DPH6: variants seen among roughly 807,000 people sequenced by gnomAD.
DPH6 encodes diphthine--ammonia ligase.
In DPH6, 33 loss-of-function variants were observed where a neutral mutation model predicts 38.2. The observed-to-expected ratio is 0.86, with a 90% CI of 0.65 to 1.15. The LOEUF is 1.15. Ranked by LOEUF, DPH6 falls within the 50% of genes most tolerant of loss-of-function variation. The probability of loss-of-function intolerance (pLI) is 0.00; values close to 1 mark genes in which losing one functional copy is unlikely to be tolerated. For synonymous variants in DPH6, 108 were observed against 103.0 expected (o/e 1.05, Z -0.30); for missense variants, 325 against 320.0 (o/e 1.02, Z -0.12).
intron 3 of DPH6, among the ~76,000 whole-genome samples, chr15:35,331,275 A>G (rs560231522): frequency 1.8e-4 from 27 of 152,324 alleles, no homozygotes; most frequent in African/African-American, 6.5e-4. Context: ...GCATAGTTAG[A>G]GAAGGTAAAC....
intron 3 of DPH6, among the ~76,000 whole-genome samples, chr15:35,463,203 G>A (rs1382749355): frequency 1.3e-5 from 2 of 151,934 alleles, no homozygotes; most frequent in Non-Finnish European, 2.9e-5. Context: ...GAGTGTATGG[G>A]GAATTGCATA....
chr15:35,474,997 A>G (rs1448040211), intron 3 of DPH6, among the ~76,000 whole-genome samples: 1 of 152,064 alleles, frequency 6.6e-6, no homozygotes, highest in East Asian at 1.9e-4. Flanking sequence ...CTGGAAAAAA[A>G]AGCTTAAACA....
At chr15:35,262,654 A>C (rs12913140) in intron 3 of DPH6, among the ~76,000 whole-genome samples, 81,320 of 144,472 alleles carry the variant, frequency 0.56, 24,526 homozygotes, top group East Asian at 0.71. Context: ...TGCAGTGAGC[A>C]GAGATGGTGC....
At chr15:35,223,883 A>G (rs2051460201) in intron 3 of DPH6, among the ~76,000 whole-genome samples, 1 of 152,018 alleles carries the variant, frequency 6.6e-6, no homozygotes, top group Admixed American at 6.6e-5. Flanking sequence ...CTTACAGAAT[A>G]ACGTAACTGC....
chr15:35,524,254 T>C (rs187918251), intron 3 of DPH6, among the ~76,000 whole-genome samples: 1 of 152,218 alleles, frequency 6.6e-6, no homozygotes, highest in African/African-American at 2.4e-5. Context: ...TAAATGCTTA[T>C]TTTGAATTTC....
At chr15:35,507,860 A>G (rs1032753881) in intron 3 of DPH6, among the ~76,000 whole-genome samples, 1 of 152,064 alleles carries the variant, frequency 6.6e-6, no homozygotes, top group African/African-American at 2.4e-5. Flanking sequence ...ATATATATTC[A>G]TACAAACATA....
chr15:35,527,782 A>C (rs952368039), intron 3 of DPH6, among the ~76,000 whole-genome samples: 29 of 152,272 alleles, frequency 1.9e-4, no homozygotes, highest in African/African-American at 6.7e-4. Flanking sequence ...GGAGAATCTG[A>C]GAAAAGACAA....
chr15:35,348,034 T>C (rs2052477527), intron 3 of DPH6, among the ~76,000 whole-genome samples: 2 of 152,204 alleles, frequency 1.3e-5, no homozygotes, highest in African/African-American at 4.8e-5. Context: ...ATTCTTGATA[T>C]ATTCTGGAAT....
At chr15:35,238,475 G>A (rs959948600) in intron 3 of DPH6, among the ~76,000 whole-genome samples, 1 of 152,194 alleles carries the variant, frequency 6.6e-6, no homozygotes, top group African/African-American at 2.4e-5. Context: ...AAATGCTACT[G>A]AGAACCCAGC....
the DPH6 span, among the ~76,000 whole-genome samples, chr15:35,156,043 GA>G: frequency 6.6e-6 from 1 of 152,222 alleles, no homozygotes; most frequent in Middle Eastern, 3.4e-3. Context: ...TCACATTTGA[GA>G]AATTAAGGGA....
intron 3 of DPH6, among the ~76,000 whole-genome samples, chr15:35,523,109 C>T (rs1189356892): frequency 2.0e-5 from 3 of 151,910 alleles, no homozygotes; most frequent in Admixed American, 1.3e-4. Flanking sequence ...GCCAAATTAC[C>T]GTCCAGAAAT....
At chr15:35,430,519 C>A (rs1310346451) in intron 5 of DPH6, among the ~76,000 whole-genome samples, 1 of 147,956 alleles carries the variant, frequency 6.8e-6, no homozygotes, top group Non-Finnish European at 1.5e-5. Context: ...CTGATAAGAT[C>A]TTTTCTTTAT....
At chr15:35,158,808 T>C in the DPH6 span, among the ~76,000 whole-genome samples, 2 of 151,838 alleles carry the variant, frequency 1.3e-5, no homozygotes, top group Non-Finnish European at 2.9e-5. Flanking sequence ...ACAAAAGAAC[T>C]CTTCCGTCTC....
intron 3 of DPH6, among the ~76,000 whole-genome samples, chr15:35,285,279 C>T (rs58518049): frequency 0.026 from 4,026 of 152,234 alleles, 170 homozygotes; most frequent in African/African-American, 0.092. Context: ...TTGGCTGTGT[C>T]CCCACCCAAA....
chr15:35,490,124 T>C (rs1277554746), intron 3 of DPH6: 1 of 985,270 alleles, frequency 1.0e-6, no homozygotes, highest in African/African-American at 1.7e-5. Flanking sequence ...TCAACTGCAC[T>C]TCAATCATTG....
At chr15:35,509,418 G>A (rs889989031) in intron 3 of DPH6, among the ~76,000 whole-genome samples, 1 of 152,158 alleles carries the variant, frequency 6.6e-6, no homozygotes, top group Non-Finnish European at 1.5e-5. Context: ...AATAGTTAGA[G>A]CAATTTTCTT....
chr15:35,147,744 T>A, the DPH6 span, among the ~76,000 whole-genome samples: 38 of 152,354 alleles, frequency 2.5e-4, no homozygotes, highest in East Asian at 7.3e-3. Context: ...AGTACTTGAT[T>A]AAACCCCAGC....
chr15:35,232,592 C>G (rs939856331), intron 3 of DPH6, among the ~76,000 whole-genome samples: 1 of 151,714 alleles, frequency 6.6e-6, no homozygotes, highest in Non-Finnish European at 1.5e-5. Context: ...AAAACAAAAA[C>G]AAAAACAAAA....
chr15:35,325,713 AG>A (rs948426833), intron 3 of DPH6, among the ~76,000 whole-genome samples: 1 of 152,156 alleles, frequency 6.6e-6, no homozygotes, highest in Non-Finnish European at 1.5e-5. Context: ...ACTAACCATA[AG>A]GGAAAAATAA....
Sources: gnomAD v4.1 joint callset for allele counts (sites outside exome capture counted in the v4.1 genomes callset) on GRCh38, gnomAD v4.1.1 for gene constraint, MANE v1.5 for transcripts, NCBI Gene and HGNC (gene_info 2026-07-23, HGNC 2026-07-21) for gene names.